Variants in RERE observed in about 807,000 individuals in gnomAD.
The protein encoded by RERE is arginine-glutamic acid dipeptide repeats protein.
Under a neutral mutation model 146.1 loss-of-function variants are expected in RERE, and 40 were observed. The ratio of observed to expected loss-of-function variants is 0.27; its 90% confidence interval spans 0.21 to 0.36. The LOEUF (loss-of-function observed/expected upper bound fraction) is 0.36. RERE is among the 10% of genes least tolerant of loss of function. The pLI is 1.00. For missense variants in RERE, 1,933 were observed against 2,138.7 expected (o/e 0.90, Z 1.90); for synonymous variants, 1,003 against 866.0 (o/e 1.16, Z -2.78).
intron 12 of RERE, chr1:8,380,829 G>A (rs1293227038): frequency 2.2e-6 from 1 of 456,626 alleles, no homozygotes; most frequent in Non-Finnish European, 4.4e-6. Context: ...CAAAGTCAGG[G>A]CAGAGAGGGG....
At chr1:8,753,831 T>C (rs1640585263) in intron 1 of RERE, 1 of 152,208 alleles carries the variant, frequency 6.6e-6, no homozygotes, top group African/African-American at 2.4e-5. Flanking sequence ...GACCCAGCAT[T>C]AAACATTTGG....
intron 1 of RERE, among the ~76,000 whole-genome samples, chr1:8,679,338 T>A (rs1053358466): frequency 6.6e-6 from 1 of 152,186 alleles, no homozygotes; most frequent in Non-Finnish European, 1.5e-5. Flanking sequence ...TTCTTCCATT[T>A]CTTCAGCAAT....
intron 6 of RERE, among the ~76,000 whole-genome samples, chr1:8,545,407 G>C (rs1177471859): frequency 6.6e-6 from 1 of 152,120 alleles, no homozygotes; most frequent in African/African-American, 2.4e-5. Flanking sequence ...TATATGAAAA[G>C]GATGAAGAAG....
At chr1:8,703,339 G>A (rs1209622572) in intron 1 of RERE, 3 of 151,092 alleles carry the variant, frequency 2.0e-5, no homozygotes, top group South Asian at 4.1e-4. Context: ...TGCTGCCCAC[G>A]GCCGCGGCAC....
chr1:8,779,403 C>A (rs1375687675), intron 1 of RERE, among the ~76,000 whole-genome samples: 1 of 151,890 alleles, frequency 6.6e-6, no homozygotes, highest in Non-Finnish European at 1.5e-5. Flanking sequence ...TGGCTCACAC[C>A]TGTAATCCCA....
chr1:8,636,905 AT>A (rs1473286559), intron 2 of RERE, among the ~76,000 whole-genome samples: 1 of 151,748 alleles, frequency 6.6e-6, no homozygotes, highest in Admixed American at 6.6e-5. Context: ...CAAGCCGAGA[AT>A]CCACACCTCC....
At chr1:8,680,357 A>C (rs1444228165) in intron 1 of RERE, among the ~76,000 whole-genome samples, 1 of 152,200 alleles carries the variant, frequency 6.6e-6, no homozygotes, top group Non-Finnish European at 1.5e-5. Flanking sequence ...GAAGAGGCCA[A>C]AATGTGGGCA....
intron 10 of RERE, among the ~76,000 whole-genome samples, chr1:8,471,924 GCCTCAGCAT>G (rs1644691900): frequency 6.6e-6 from 1 of 152,154 alleles, no homozygotes; most frequent in Non-Finnish European, 1.5e-5. Flanking sequence ...TGATTCTTCT[GCCTCAGCAT>G]CCAGAGTAGC....
intron 12 of RERE, among the ~76,000 whole-genome samples, chr1:8,406,895 AG>A (rs1018223744): frequency 1.3e-5 from 2 of 152,290 alleles, no homozygotes; most frequent in Non-Finnish European, 2.9e-5. Flanking sequence ...AACTTTGTGG[AG>A]GGTGAAAAGA....
chr1:8,784,281 A>G (rs758317682), intron 1 of RERE, among the ~76,000 whole-genome samples: 1 of 151,260 alleles, frequency 6.6e-6, no homozygotes, highest in African/African-American at 2.4e-5. Flanking sequence ...GCCTATCCTG[A>G]CTCCCCTATT....
chr1:8,383,463 T>C (rs1281513223), intron 12 of RERE, among the ~76,000 whole-genome samples: 1 of 152,100 alleles, frequency 6.6e-6, no homozygotes, highest in Non-Finnish European at 1.5e-5. Context: ...GATGCACAGA[T>C]TGGAAAGGTC....
intron 2 of RERE, among the ~76,000 whole-genome samples, chr1:8,653,254 A>G (rs1219395297): frequency 2.6e-5 from 4 of 152,248 alleles, no homozygotes; most frequent in Non-Finnish European, 5.9e-5. Context: ...AACGTTCCAT[A>G]TTATAAATGC....
intron 1 of RERE, among the ~76,000 whole-genome samples, chr1:8,684,695 T>G (rs1639045004): frequency 6.6e-6 from 1 of 152,200 alleles, no homozygotes; most frequent in Non-Finnish European, 1.5e-5. Context: ...CCTCTCCCTA[T>G]GAGCTGTTAA....
At chr1:8,489,302 G>A (rs1644944957) in intron 10 of RERE, among the ~76,000 whole-genome samples, 1 of 151,552 alleles carries the variant, frequency 6.6e-6, no homozygotes, top group South Asian at 2.1e-4. Flanking sequence ...TGAGGTTACA[G>A]TGAGCTATAA....
chr1:8,386,926 T>C (rs1642698246), intron 12 of RERE, among the ~76,000 whole-genome samples: 1 of 152,228 alleles, frequency 6.6e-6, no homozygotes, highest in Admixed American at 6.5e-5. Flanking sequence ...AAAGGGAACG[T>C]ACTCAAATGG....
chr1:8,454,300 CGT>C (rs1254353209), intron 11 of RERE, among the ~76,000 whole-genome samples: 1 of 152,154 alleles, frequency 6.6e-6, no homozygotes, highest in African/African-American at 2.4e-5. Context: ...CATGTGTACA[CGT>C]GTGTTTTCAA....
intron 4 of RERE, among the ~76,000 whole-genome samples, chr1:8,593,875 C>T (rs932356361): frequency 1.3e-5 from 2 of 152,102 alleles, no homozygotes; most frequent in African/African-American, 4.8e-5. Flanking sequence ...CATGGCGAGA[C>T]CTTGAGAAGA....
chr1:8,659,861 C>A (rs1275523746), intron 1 of RERE, among the ~76,000 whole-genome samples: 1 of 152,194 alleles, frequency 6.6e-6, no homozygotes, highest in East Asian at 1.9e-4. Context: ...ACTACAAAAT[C>A]ATACACTGTT....
rs1296647702 is a variant in RERE at position 8,446,342 on chromosome 1, G to A, written c.1203+19583C>T. On this transcript the variant is annotated intron_variant, in intron 11 of 22. Transcript: ENST00000400908. Reference sequence around the variant, plus strand: ...GTGAATCTGAAGATTACGTGTCTTGGGGTTACTCTTCTCATCTGATATGGG... The same window carrying A: ...GTGAATCTGAAGATTACGTGTCTTGAGGTTACTCTTCTCATCTGATATGGG... 5.3e-5 allele frequency among the ~76,000 whole-genome samples: 8 copies of A among 152,038 alleles called. No individual in the cohort carries two copies. The East Asian group carries it at 1.4e-3, about 26-fold the overall frequency.
Sources: gnomAD v4.1 joint callset for allele counts (sites outside exome capture counted in the v4.1 genomes callset) on GRCh38, gnomAD v4.1.1 for gene constraint, MANE v1.5 for transcripts, NCBI Gene and HGNC (gene_info 2026-07-23, HGNC 2026-07-21) for gene names.